The following CCSER1 variants were observed in gnomAD, a reference collection of about 807,000 sequenced individuals.
CCSER1 encodes the protein serine-rich coiled-coil domain-containing protein 1.
In CCSER1, 41 loss-of-function variants were observed where a neutral mutation model predicts 82.0. That is an observed-to-expected ratio of 0.50 (90% CI 0.39 to 0.65). The LOEUF is 0.65. Among genes scored for constraint, CCSER1 ranks in the 30% least tolerant of loss-of-function variants. The pLI is 0.00. For synonymous variants in CCSER1, 414 were observed against 383.9 expected (o/e 1.08, Z -0.92); for missense variants, 1,119 against 1,064.2 (o/e 1.05, Z -0.72).
At chr4:90,355,588 G>C (rs1579355781) in intron 3 of CCSER1, among the ~76,000 whole-genome samples, 1 of 151,948 alleles carries the variant, frequency 6.6e-6, no homozygotes, top group African/African-American at 2.4e-5. Flanking sequence ...ACATACTCCT[G>C]CTACATAGGG....
intron 10 of CCSER1, among the ~76,000 whole-genome samples, chr4:91,389,793 CAT>C (rs1166768617): frequency 1.3e-5 from 2 of 151,900 alleles, no homozygotes; most frequent in African/African-American, 4.8e-5. Flanking sequence ...TCTTGTTAGA[CAT>C]ATTGTATTAG....
chr4:90,777,406 G>C (rs1015972926), intron 7 of CCSER1, among the ~76,000 whole-genome samples: 1 of 131,946 alleles, frequency 7.6e-6, no homozygotes, highest in African/African-American at 2.9e-5. Flanking sequence ...TGGACTTTAA[G>C]ACCTCACACT....
chr4:90,864,832 A>G (rs1382552670), intron 8 of CCSER1, among the ~76,000 whole-genome samples: 2 of 152,074 alleles, frequency 1.3e-5, no homozygotes, highest in South Asian at 2.1e-4. Flanking sequence ...CTGTTGAACT[A>G]TGCTATGTCT....
intron 3 of CCSER1, among the ~76,000 whole-genome samples, chr4:90,384,446 C>T (rs1199074772): frequency 1.3e-5 from 2 of 151,934 alleles, no homozygotes; most frequent in Non-Finnish European, 2.9e-5. Flanking sequence ...CATCACACAT[C>T]ATTTTTTATT....
chr4:91,311,369 C>G (rs1436183993), intron 10 of CCSER1, among the ~76,000 whole-genome samples: 1 of 151,894 alleles, frequency 6.6e-6, no homozygotes, highest in Non-Finnish European at 1.5e-5. Context: ...ATGTTTTTCT[C>G]CTGCCAGAAA....
intron 10 of CCSER1, among the ~76,000 whole-genome samples, chr4:91,188,087 A>G (rs1447482729): frequency 2.6e-5 from 4 of 151,982 alleles, no homozygotes; most frequent in Non-Finnish European, 5.9e-5. Flanking sequence ...ACAATTATAA[A>G]TAATATTTAT....
At chr4:91,442,550 A>G (rs1303007266) in intron 10 of CCSER1, among the ~76,000 whole-genome samples, 1 of 137,240 alleles carries the variant, frequency 7.3e-6, no homozygotes, top group Non-Finnish European at 1.6e-5. Flanking sequence ...ACCATTCAGG[A>G]CATAGGCATG....
chr4:90,410,649 T>C (rs572530638), intron 4 of CCSER1, among the ~76,000 whole-genome samples: 22 of 152,230 alleles, frequency 1.4e-4, no homozygotes, highest in African/African-American at 5.1e-4. Context: ...GGGAAATTTA[T>C]AGCACTAAAT....
At chr4:91,177,558 G>C (rs1037896729) in intron 10 of CCSER1, among the ~76,000 whole-genome samples, 2 of 152,126 alleles carry the variant, frequency 1.3e-5, no homozygotes, top group African/African-American at 4.8e-5. Flanking sequence ...GAGGGTGTAT[G>C]TGTCCAGGAA....
At chr4:91,147,362 G>A (rs994034548) in intron 10 of CCSER1, among the ~76,000 whole-genome samples, 1 of 152,194 alleles carries the variant, frequency 6.6e-6, no homozygotes, top group Non-Finnish European at 1.5e-5. Context: ...TTTTTCCACA[G>A]ACTTCTCTTG....
chr4:90,672,767 T>G (rs1260250647), intron 6 of CCSER1, among the ~76,000 whole-genome samples: 1 of 151,980 alleles, frequency 6.6e-6, no homozygotes, highest in Non-Finnish European at 1.5e-5. Context: ...ACTTGAACAC[T>G]TAGACGCCAT....
At chr4:90,201,450 G>C (rs1295865251) in intron 1 of CCSER1, among the ~76,000 whole-genome samples, 1 of 148,778 alleles carries the variant, frequency 6.7e-6, no homozygotes, top group Non-Finnish European at 1.5e-5. Context: ...TGAGTCACAT[G>C]TGTGATTTTG....
chr4:91,587,222 C>A (rs73836253), intron 10 of CCSER1, among the ~76,000 whole-genome samples: 2 of 151,548 alleles, frequency 1.3e-5, no homozygotes, highest in African/African-American at 2.4e-5. Flanking sequence ...ATAACTACCA[C>A]CTCTGTGACC....
intron 8 of CCSER1, among the ~76,000 whole-genome samples, chr4:90,904,092 G>A (rs1725081013): frequency 6.6e-6 from 1 of 151,940 alleles, no homozygotes; most frequent in African/African-American, 2.4e-5. Context: ...AATTGGTTTT[G>A]TTTCTTTGAC....
At chr4:91,443,412 A>C (rs1042665247) in intron 10 of CCSER1, among the ~76,000 whole-genome samples, 1 of 150,300 alleles carries the variant, frequency 6.7e-6, no homozygotes, top group South Asian at 2.1e-4. Flanking sequence ...AGGACAAAAA[A>C]CCAAACACTG....
At chr4:91,351,208 A>G (rs910747729) in intron 10 of CCSER1, among the ~76,000 whole-genome samples, 4 of 152,066 alleles carry the variant, frequency 2.6e-5, no homozygotes, top group Non-Finnish European at 4.4e-5. Flanking sequence ...TTATTATAAA[A>G]TAAAGCTATT....
intron 4 of CCSER1, among the ~76,000 whole-genome samples, chr4:90,424,043 A>G (rs1461530020): frequency 6.6e-6 from 1 of 151,276 alleles, no homozygotes. Context: ...GTGAGCAGAG[A>G]TTGCGCCACT....
chr4:90,925,492 T>A (rs533878557), intron 9 of CCSER1, among the ~76,000 whole-genome samples: 1 of 152,302 alleles, frequency 6.6e-6, no homozygotes, highest in East Asian at 1.9e-4. Flanking sequence ...ATCAATTTTA[T>A]GTGACACTAT....
chr4:90,276,301 TCC>T (rs1560930264), intron 1 of CCSER1, among the ~76,000 whole-genome samples: 30 of 129,306 alleles, frequency 2.3e-4, no homozygotes, highest in East Asian at 9.4e-4. Flanking sequence ...CTTCCTTCCT[TCC>T]TTCCTTTCTT....
Sources: gnomAD v4.1 joint callset for allele counts (sites outside exome capture counted in the v4.1 genomes callset) on GRCh38, gnomAD v4.1.1 for gene constraint, MANE v1.5 for transcripts, NCBI Gene and HGNC (gene_info 2026-07-23, HGNC 2026-07-21) for gene names.